Variants in ROBO2 observed in about 807,000 individuals in gnomAD.
ROBO2 encodes the protein roundabout homolog 2.
Under a neutral mutation model 160.8 loss-of-function variants are expected in ROBO2, and 53 were observed. That is an observed-to-expected ratio of 0.33 (90% CI 0.26 to 0.41). ROBO2 has a LOEUF of 0.41. Among genes scored for constraint, ROBO2 ranks in the 10% least tolerant of loss-of-function variants. The pLI is 1.00. For synonymous variants in ROBO2, 664 were observed against 611.7 expected, an observed-to-expected ratio of 1.09 and a Z score of -1.26; for missense variants, 1,577 against 1,722.4, an observed-to-expected ratio of 0.92 and a Z score of 1.49.
intron 2 of ROBO2, among the ~76,000 whole-genome samples, chr3:76,997,434 C>G (rs2061082052): frequency 6.6e-6 from 1 of 152,134 alleles, no homozygotes; most frequent in Non-Finnish European, 1.5e-5. Context: ...TGTTCTTTTA[C>G]ATTTTTATCA....
At chr3:77,150,205 C>T (rs1309416549) in intron 2 of ROBO2, among the ~76,000 whole-genome samples, 2 of 152,058 alleles carry the variant, frequency 1.3e-5, no homozygotes, top group Non-Finnish European at 1.5e-5. Context: ...TAATTCAAGA[C>T]GGCAGATAAA....
intron 11 of ROBO2, among the ~76,000 whole-genome samples, chr3:77,563,673 G>A (rs989778734): frequency 1.3e-5 from 2 of 151,984 alleles, no homozygotes; most frequent in Non-Finnish European, 2.9e-5. Flanking sequence ...ATAGGCACAG[G>A]CACTTTTTAA....
intron 2 of ROBO2, among the ~76,000 whole-genome samples, chr3:76,914,426 T>C (rs2098622579): frequency 2.0e-5 from 3 of 152,174 alleles, no homozygotes. Flanking sequence ...GTTTAGTCTC[T>C]TTTGAATGTA....
At chr3:76,604,466 A>C (rs1338171713) in intron 2 of ROBO2, among the ~76,000 whole-genome samples, 1 of 152,202 alleles carries the variant, frequency 6.6e-6, no homozygotes. Context: ...ATTTTATATG[A>C]AAATCACCTT....
At chr3:77,191,928 C>T (rs1319992763) in intron 2 of ROBO2, among the ~76,000 whole-genome samples, 3 of 152,256 alleles carry the variant, frequency 2.0e-5, no homozygotes, top group African/African-American at 7.2e-5. Context: ...TTATAAATAA[C>T]ACTTTCCCTT....
chr3:77,365,149 G>T (rs2070654770), intron 2 of ROBO2, among the ~76,000 whole-genome samples: 2 of 57,178 alleles, frequency 3.5e-5, no homozygotes, highest in African/African-American at 8.7e-5. Flanking sequence ...CTCCATCTCA[G>T]GAAAAAAAAA....
At chr3:76,777,525 G>A (rs535854248) in intron 2 of ROBO2, among the ~76,000 whole-genome samples, 4 of 150,970 alleles carry the variant, frequency 2.6e-5, no homozygotes, top group Non-Finnish European at 5.9e-5. Context: ...GACACTGAGA[G>A]CGAAGCATAA....
intron 2 of ROBO2, among the ~76,000 whole-genome samples, chr3:77,335,300 C>T (rs1027468226): frequency 2.6e-5 from 4 of 151,958 alleles, no homozygotes; most frequent in Non-Finnish European, 5.9e-5. Flanking sequence ...CCAGCTACTC[C>T]GGAGGCTGAG....
At position 77,469,478 on chromosome 3, in the gene ROBO2, G is replaced by A. The variant is rs148154727; in HGVS notation, c.389-7936G>A. On this transcript the variant is annotated intron_variant, in intron 2 of 25. Coordinates refer to ENST00000461745, the Ensembl canonical transcript of ROBO2. ...CCTATGGTAACTGGTGGTGGTGGTG[G>A]TGGCAGTGGTGTTGGTAGGGCTAGG... Among the ~76,000 whole-genome samples the A allele has an allele frequency of 7.2e-3, 1,089 of 152,282 alleles. 6 individuals carry two copies. The highest frequency in any genetic ancestry group is 0.01 in the Non-Finnish European group (696 of 68,014).
intron 2 of ROBO2, among the ~76,000 whole-genome samples, chr3:76,969,296 T>C (rs981350316): frequency 2.6e-5 from 4 of 152,196 alleles, no homozygotes; most frequent in African/African-American, 9.6e-5. Flanking sequence ...CTAATTGAAA[T>C]ACCAGGCCCC....
At chr3:77,539,637 A>G (rs2092362181) in intron 6 of ROBO2, among the ~76,000 whole-genome samples, 1 of 152,172 alleles carries the variant, frequency 6.6e-6, no homozygotes, top group Admixed American at 6.5e-5. Context: ...AAAATGTACT[A>G]TTCCGAGGCA....
At chr3:76,839,789 T>A (rs1262979201) in intron 2 of ROBO2, among the ~76,000 whole-genome samples, 1 of 152,194 alleles carries the variant, frequency 6.6e-6, no homozygotes, top group African/African-American at 2.4e-5. Flanking sequence ...GTGGAGCCAA[T>A]GGGTCTTGTG....
chr3:76,983,973 G>A (rs1296766058), intron 2 of ROBO2, among the ~76,000 whole-genome samples: 3 of 152,198 alleles, frequency 2.0e-5, no homozygotes, highest in African/African-American at 7.2e-5. Flanking sequence ...ATGGCAGAAT[G>A]CAAAGGAGAC....
In ROBO2 at chr3:77,386,603, A is replaced by ATTTTTTTTTTTTT. The variant is rs71104679; in HGVS notation, c.389-90806_389-90794dup. ...AGTTAATTATTTTTTCAGCCAGGTA[A>ATTTTTTTTTTTTT]TTTTTTTTTTTTTTTTTGAAATAGA... On this transcript the variant is annotated intron_variant, in intron 2 of 25. Transcript: ENST00000461745. Among the ~76,000 whole-genome samples, 38 of 91,890 alleles carry ATTTTTTTTTTTTT rather than the reference A, an allele frequency of 4.1e-4. 2 individuals are homozygous for ATTTTTTTTTTTTT. The highest frequency in any genetic ancestry group is 6.2e-4 in the Admixed American group (4 of 6,444). The allele number at this position is 91,890 out of a possible 152,430, so 60.3% of individuals were successfully genotyped here.
upstream of ROBO2, among the ~76,000 whole-genome samples, chr3:77,034,982 C>T (rs964028098): frequency 2.0e-5 from 3 of 151,686 alleles, no homozygotes; most frequent in African/African-American, 4.8e-5. Context: ...ATATCAGTAA[C>T]AAGAAATGAT....
intron 2 of ROBO2, among the ~76,000 whole-genome samples, chr3:77,403,267 A>G (rs575481042): frequency 6.6e-5 from 10 of 152,324 alleles, no homozygotes; most frequent in African/African-American, 2.4e-4. Context: ...TCAAGTGTAC[A>G]ATACATTAAC....
At chr3:76,064,866 CA>C (rs1276717043) in intron 2 of ROBO2, among the ~76,000 whole-genome samples, 1 of 152,044 alleles carries the variant, frequency 6.6e-6, no homozygotes, top group Non-Finnish European at 1.5e-5. Context: ...CCTATCTTTT[CA>C]AATTTTATTT....
At chr3:76,340,263 A>T (rs2074143808) in intron 2 of ROBO2, among the ~76,000 whole-genome samples, 1 of 152,162 alleles carries the variant, frequency 6.6e-6, no homozygotes, top group South Asian at 2.1e-4. Context: ...CATGCTGGCA[A>T]GCTGTCCTTT....
At chr3:77,324,075 C>A (rs1464677955) in intron 2 of ROBO2, among the ~76,000 whole-genome samples, 1 of 152,098 alleles carries the variant, frequency 6.6e-6, no homozygotes, top group Non-Finnish European at 1.5e-5. Context: ...TCCCAATTTG[C>A]TGCTTGGGAC....
Sources: gnomAD v4.1 joint callset for allele counts (sites outside exome capture counted in the v4.1 genomes callset) on GRCh38, gnomAD v4.1.1 for gene constraint, MANE v1.5 for transcripts, NCBI Gene and HGNC (gene_info 2026-07-23, HGNC 2026-07-21) for gene names.